The following TSC2 variants were observed in gnomAD, a reference collection of about 807,000 sequenced individuals.
The protein encoded by TSC2 is TSC complex subunit 2, also known as tuberin.
TSC2 carries 29 observed loss-of-function variants against 202.2 expected under a neutral mutation model. That is an observed-to-expected ratio of 0.14 (90% CI 0.11 to 0.20). TSC2 has a LOEUF of 0.20. TSC2 is among the 10% of genes least tolerant of loss of function. TSC2 has a pLI of 1.00. For missense variants in TSC2, 2,429 were observed against 2,420.0 expected (o/e 1.00, Z -0.08); for synonymous variants, 1,349 against 1,044.0 (o/e 1.29, Z -5.63).
chr16:2,048,796 C>T (rs771302472), intron 2 of TSC2, 43 bp downstream of exon 2: 46 of 1,613,292 alleles, frequency 2.9e-5, no homozygotes, highest in Non-Finnish European at 3.6e-5. Flanking sequence ...GAGGGAAATG[C>T]AGAGAAGGCT....
chr16:2,086,618 C>T (rs371310759), intron 37 of TSC2, 114 bp from the exon 38 acceptor site: 42 of 1,518,110 alleles, frequency 2.8e-5, no homozygotes, highest in South Asian at 8.3e-5. Context: ...CACCAGAGGA[C>T]GTGGTCCCCG....
intron 10 of TSC2, 81 bp downstream of exon 10, chr16:2,058,954 C>A: frequency 6.4e-7 from 1 of 1,558,904 alleles, no homozygotes; most frequent in Non-Finnish European, 8.7e-7. Flanking sequence ...CACTGGGGGT[C>A]CTGCTGCGGG....
At position 2,088,938 on chromosome 16, in the gene TSC2, A is replaced by T. The variant is rs568056589; in HGVS notation, c.*328A>T. On this transcript the variant is annotated 3_prime_UTR_variant, in exon 42 of 42. Coordinates refer to ENST00000219476, the MANE Select transcript of TSC2 (RefSeq NM_000548.5). ...ACCCTGGGAGCCAGCCCCCAGGAGGAGTCTTTTCCTCTAACCACCCTGGGG... is the reference window on the plus strand; with the variant it reads ...ACCCTGGGAGCCAGCCCCCAGGAGGTGTCTTTTCCTCTAACCACCCTGGGG... 2.7e-6 allele frequency: 1 copy of T among 374,726 alleles called. No individual in the cohort carries two copies. Among genetic ancestry groups the T allele is most frequent in the African/African-American group, 2.1e-5 (1 of 47,890 alleles). The allele number at this position is 374,726 out of a possible 1,614,324, so 23.2% of individuals were successfully genotyped here.
At chr16:2,081,215 C>G (rs932960376) in intron 30 of TSC2, 34 of 359,210 alleles carry the variant, frequency 9.5e-5, no homozygotes, top group African/African-American at 7.0e-4. Context: ...AGGGAGCCCC[C>G]GCAGAGGCCC....
intron 10 of TSC2, among the ~76,000 whole-genome samples, chr16:2,059,709 GGGTTTCTCCA>G (rs1440256625): frequency 1.3e-5 from 2 of 151,958 alleles, no homozygotes; most frequent in Admixed American, 6.6e-5. Context: ...AGTAGAGACT[GGGTTTCTCCA>G]CATTGGTCAG....
intron 17 of TSC2, among the ~76,000 whole-genome samples, chr16:2,070,972 A>AT (rs2088252909): frequency 6.6e-6 from 1 of 150,928 alleles, no homozygotes; most frequent in African/African-American, 2.5e-5. Flanking sequence ...AGGGCTGGAG[A>AT]GGGCAGAGCT....
chr16:2,051,489 T>C (rs2085120050), intron 3 of TSC2, among the ~76,000 whole-genome samples: 2 of 152,114 alleles, frequency 1.3e-5, no homozygotes, highest in African/African-American at 4.8e-5. Context: ...TGGTCGGTGG[T>C]ATTGGGCGAC....
chr16:2,068,303 G>T (rs1392978598), intron 16 of TSC2, among the ~76,000 whole-genome samples: 1 of 152,180 alleles, frequency 6.6e-6, no homozygotes, highest in Admixed American at 6.5e-5. Flanking sequence ...GACCCCCAAA[G>T]TGTTGGGATT....
chr16:2,058,691 G>C, intron 9 of TSC2, 56 bp from the exon 10 acceptor site: 2 of 1,549,986 alleles, frequency 1.3e-6, no homozygotes, highest in Non-Finnish European at 1.7e-6. Flanking sequence ...CACATCCATG[G>C]CGGACCCTGG....
intron 16 of TSC2, among the ~76,000 whole-genome samples, 181 bp from the exon 17 acceptor site, chr16:2,070,275 T>C (rs940217967): frequency 3.9e-5 from 6 of 152,126 alleles, no homozygotes; most frequent in African/African-American, 1.2e-4. Flanking sequence ...GGGCACGAGG[T>C]TGGGTTTTAC....
At position 2,076,533 on chromosome 16, in the gene TSC2, G is replaced by A. The variant is rs45517268; in HGVS notation, c.2785G>A (p.Glu929Lys). 12 of 1,613,452 alleles carry A rather than the reference G, an allele frequency of 7.4e-6. No individual in the cohort carries two copies. In the African/African-American group the frequency reaches 8.0e-5, roughly 11 times the overall value. Residue 929 changes from glutamate (E) to lysine (K), a missense_variant, in exon 25 of 42, where the codon GAG becomes AAG. Transcript: ENST00000219476. ...NVLLSFDDTP[E>K]KDSFRARSTS... ...CCTCTTGTCTTTTGATGACACCCCCGAGAAGGACAGCTTCAGGGCCCGGAG... is the reference window on the plus strand; with the variant it reads ...CCTCTTGTCTTTTGATGACACCCCCAAGAAGGACAGCTTCAGGGCCCGGAG...
rs45517125 is a variant in TSC2 at position 2,056,754 on chromosome 16, C to T, written c.759C>T (p.Cys253=). The change falls in exon 8 of 42, where the codon TGC becomes TGT. Residue 253 remains cysteine, a synonymous_variant. Coordinates refer to ENST00000219476, the MANE Select transcript of TSC2 (RefSeq NM_000548.5). The part of the protein sequence containing the change: ...LCRTINVKEL[C]EPCWKLMRNL... The stretch of plus-strand genomic sequence containing the variant: ...GCACCATCAACGTCAAGGAGCTCTG[C>T]GAGCCTTGCTGGAAGGTGGGGTTTC... 2.8e-5 allele frequency: 45 copies of T among 1,609,938 alleles called. No homozygotes were observed. The highest frequency in any genetic ancestry group is 5.3e-5 in the African/African-American group (4 of 75,046).
At chr16:2,063,450 C>T (rs1807793424) in intron 14 of TSC2, 11 of 338,010 alleles carry the variant, frequency 3.3e-5, no homozygotes, top group South Asian at 3.0e-4. Context: ...CTGGTCTCTC[C>T]TCTGCGGGCT....
intron 38 of TSC2, 28 bp from the exon 39 acceptor site, chr16:2,087,835 G>A (rs1353251553): frequency 1.2e-6 from 2 of 1,611,284 alleles, no homozygotes; most frequent in East Asian, 2.2e-5. Flanking sequence ...GCTGTGTGCG[G>A]GGATGACCCT....
intron 30 of TSC2, chr16:2,081,105 C>G (rs555252795): frequency 2.1e-4 from 50 of 240,972 alleles, no homozygotes; most frequent in Non-Finnish European, 3.6e-4. Context: ...AATTAGCTTT[C>G]TGAAACCCAG....
At chr16:2,085,778 A>G (rs531009672) in intron 36 of TSC2, among the ~76,000 whole-genome samples, 2 of 152,214 alleles carry the variant, frequency 1.3e-5, no homozygotes, top group African/African-American at 4.8e-5. Flanking sequence ...CTGCACCTTC[A>G]TCCCAAGGGA....
At chr16:2,070,146 C>T (rs2088045219) in intron 16 of TSC2, among the ~76,000 whole-genome samples, 1 of 152,126 alleles carries the variant, frequency 6.6e-6, no homozygotes, top group Admixed American at 6.5e-5. Context: ...CTGCCTACAC[C>T]TGGGATCGCC....
At position 2,054,311 on chromosome 16, in the gene TSC2, G is replaced by T. The variant is rs878854094; in HGVS notation, c.352G>T (p.Val118Phe). ...TTGTCTTTAGGGCGAGCGTTTGGGG[G>T]TCCTCAGAGCCCTCTTCTTTAAGGT... is the stretch of plus-strand genomic sequence containing the variant. ...IVQGQGERLG[V>F]LRALFFKVIK... is the part of the protein sequence containing the mutation. Residue 118 changes from valine (V) to phenylalanine (F), a missense_variant, in exon 5 of 42, where the codon GTC (valine) becomes TTC (phenylalanine). Physicochemically the swap from Val to Phe is conservative, Grantham distance 50. Transcript: ENST00000219476. 2 of 1,614,068 alleles carry T rather than the reference G, an allele frequency of 1.2e-6. No individual in the cohort carries two copies. Among genetic ancestry groups the T allele is most frequent in the African/African-American group, 1.3e-5 (1 of 74,920 alleles).
intron 22 of TSC2, 54 bp downstream of exon 22, chr16:2,074,443 T>G (rs2151358196): frequency 6.3e-7 from 1 of 1,595,044 alleles, no homozygotes; most frequent in Admixed American, 1.7e-5. Context: ...CTGTGTAACC[T>G]GTGCGGGCTT....
Sources: gnomAD v4.1 joint callset for allele counts (sites outside exome capture counted in the v4.1 genomes callset) on GRCh38, gnomAD v4.1.1 for gene constraint, MANE v1.5 for transcripts, NCBI Gene and HGNC (gene_info 2026-07-23, HGNC 2026-07-21) for gene names.